Variants in OR8J3 observed in about 807,000 individuals in gnomAD.
OR8J3 encodes the protein olfactory receptor 8J3.
For missense variants in OR8J3, 418 were observed against 379.8 expected (o/e 1.10, Z -0.84); for synonymous variants, 170 against 142.6 (o/e 1.19, Z -1.37).
In OR8J3 at chr11:56,137,697, T is replaced by C. The variant is rs758030578; in HGVS notation, c.22A>G (p.Arg8Gly). 6.2e-7 allele frequency: 1 copy of C among 1,600,016 alleles called. No homozygotes were observed. The highest frequency in any genetic ancestry group is 1.3e-5 in the African/African-American group (1 of 74,166). The change falls in exon 2 of 2, where the codon AGG becomes GGG. Residue 8 changes from arginine (R) to glycine (G), a missense_variant. Arg to Gly is a moderately radical substitution (Grantham distance 125). Coordinates refer to ENST00000642058, the MANE Select transcript of OR8J3 (RefSeq NM_001004064.2). ...CCTGTGAGAATAAACTCAGTGACCC[T>C]GGTGAAATTTTCAGGAGCCATGTCA... MAPENFT[R>G]VTEFILTGVS...
In OR8J3 at chr11:56,137,515, G is replaced by T. The variant is rs754855174; in HGVS notation, c.204C>A (p.Ile68=). ...TGACAGTAGAGTTGCCAAGATTGAT[G>T]ATAGCTAGATGTCTCAGGAAAAAGT... ...PMYFFLRHLA[I]INLGNSTVIA... The change falls in exon 2 of 2, where the codon ATC becomes ATA. Residue 68 remains isoleucine, a synonymous_variant. Transcript: ENST00000642058. 6.2e-7 allele frequency: 1 copy of T among 1,614,216 alleles called. No homozygotes were observed. The highest frequency in any genetic ancestry group is 8.5e-7 in the Non-Finnish European group (1 of 1,180,050).
rs1411258883 is a variant in OR8J3, at chr11:56,136,405, CTACCAATCA to C, written c.*357_*365del. ...GTTTTTCAAGATGCAGGCATCCACTCTACCAATCATACCCAGAAAGAAAAAAAGGAGTCC... is the reference window on the plus strand; with the variant it reads ...GTTTTTCAAGATGCAGGCATCCACTCTACCCAGAAAGAAAAAAAGGAGTCC... On this transcript the variant is annotated 3_prime_UTR_variant, in exon 2 of 2. Coordinates refer to ENST00000642058, the MANE Select transcript of OR8J3 (RefSeq NM_001004064.2). 1 of 154,096 alleles carries C rather than the reference CTACCAATCA, an allele frequency of 6.5e-6. No individual in the cohort carries two copies. The highest frequency in any genetic ancestry group is 2.4e-5 in the African/African-American group (1 of 41,502). 9.5% of individuals were successfully genotyped at this position (154,096 alleles called of 1,614,324 possible).
At chr11:56,139,654 A>G (rs1451757284) in intron 1 of OR8J3, among the ~76,000 whole-genome samples, 1 of 152,246 alleles carries the variant, frequency 6.6e-6, no homozygotes, top group East Asian at 1.9e-4. Context: ...TAATAGGTAA[A>G]ACAAACAAGA....
chr11:56,137,884 A>G lies in OR8J3; in HGVS notation c.-166T>C. The stretch of plus-strand genomic sequence containing the variant: ...TATTAAACTCAGTATTCTCAGTCTA[A>G]TAAATCAGCTTTGCAATCACTTGGG... On this transcript the variant is annotated 5_prime_UTR_variant, in exon 2 of 2. Coordinates refer to ENST00000642058, the MANE Select transcript of OR8J3 (RefSeq NM_001004064.2). The G allele has an allele frequency of 1.6e-6, 1 of 615,682 alleles. No individual in the cohort carries two copies. 38.1% of individuals were successfully genotyped at this position (615,682 alleles called of 1,614,324 possible). A position where few individuals can be genotyped will look rare whatever the true frequency, so the allele number is the denominator to read the frequency against.
intron 1 of OR8J3, among the ~76,000 whole-genome samples, chr11:56,139,001 G>A (rs763484108): frequency 6.6e-6 from 1 of 151,792 alleles, no homozygotes; most frequent in Admixed American, 6.6e-5. Flanking sequence ...GGGTTTTTAT[G>A]ATAATTATGT....
rs1854316451 is a variant in OR8J3, at chr11:56,134,983, TATA to T, written c.*1785_*1787del. 6.6e-6 allele frequency: 1 copy of T among 152,204 alleles called. No homozygotes were observed. The highest frequency in any genetic ancestry group is 2.4e-5 in the African/African-American group (1 of 41,566). The allele number at this position is 152,204 out of a possible 1,614,324, so 9.4% of individuals were successfully genotyped here. A position where few individuals can be genotyped will look rare whatever the true frequency, so the allele number is the denominator to read the frequency against. ...TTCAACTGATAAACTTTCATTGCATTATAATATTTAGGGTTGAAAATTTAATTA... is the reference window on the plus strand; with the variant it reads ...TTCAACTGATAAACTTTCATTGCATTATATTTAGGGTTGAAAATTTAATTA... On this transcript the variant is annotated 3_prime_UTR_variant, in exon 2 of 2. Coordinates refer to ENST00000642058, the MANE Select transcript of OR8J3 (RefSeq NM_001004064.2).
chr11:56,138,464 G>A lies in OR8J3; in HGVS notation c.-746C>T, dbSNP rs1360619377. ...GGGCAGATCATGAGGTCAGGAGATG[G>A]AGACCACCCTGGCTAACACAGTGAA... On this transcript the variant is annotated 5_prime_UTR_variant, in exon 2 of 2. Transcript: ENST00000642058. 2.6e-5 allele frequency: 4 copies of A among 152,028 alleles called. No homozygotes were observed. Among genetic ancestry groups the A allele is most frequent in the African/African-American group, 9.7e-5 (4 of 41,366 alleles). 9.4% of individuals were successfully genotyped at this position (152,028 alleles called of 1,614,324 possible). A position where few individuals can be genotyped will look rare whatever the true frequency, so the allele number is the denominator to read the frequency against.
In OR8J3 at chr11:56,135,949, A is replaced by G. The variant is rs555496737; in HGVS notation, c.*822T>C. 1.3e-5 allele frequency: 2 copies of G among 152,164 alleles called. No homozygotes were observed. The highest frequency in any genetic ancestry group is 4.1e-4 in the South Asian group (2 of 4,830). 9.4% of individuals were successfully genotyped at this position (152,164 alleles called of 1,614,324 possible). The stretch of plus-strand genomic sequence containing the variant: ...AGTGTACACTTACTGATCAAAAACT[A>G]TCAGAAAAAAAGAACAAAAATTCAA... On this transcript the variant is annotated 3_prime_UTR_variant, in exon 2 of 2. Coordinates refer to ENST00000642058, the MANE Select transcript of OR8J3 (RefSeq NM_001004064.2).
In OR8J3 at chr11:56,136,878, C is replaced by A; in HGVS notation, c.841G>T (p.Val281Leu). The change falls in exon 2 of 2, where the codon GTG (valine) becomes TTG (leucine). Residue 281 changes from valine to leucine, a missense_variant. By Grantham distance (32) the Val-to-Leu change is conservative. Coordinates refer to ENST00000642058, the MANE Select transcript of OR8J3 (RefSeq NM_001004064.2). The part of the protein sequence containing the change: ...DKMASVFYTL[V>L]IPMLNPLIYS... ...ATCAAGGGATTCAGCATAGGAATCACCAATGTGTAAAACACAGAAGCCATC... is the reference window on the plus strand; with the variant it reads ...ATCAAGGGATTCAGCATAGGAATCAACAATGTGTAAAACACAGAAGCCATC... 6 of 1,613,998 alleles carry A rather than the reference C, an allele frequency of 3.7e-6. No homozygotes were observed. The highest frequency in any genetic ancestry group is 5.1e-6 in the Non-Finnish European group (6 of 1,179,932).
chr11:56,137,370 C>A lies in OR8J3; in HGVS notation c.349G>T (p.Val117Leu). ...GCCACATAGCGGTCATAGGCCATCA[C>A]AGCCAGCATCATTACCTCCGATACA... is the stretch of plus-strand genomic sequence containing the variant. ...FIVSEVMMLA[V>L]MAYDRYVAIC... is the part of the protein sequence containing the mutation. The change falls in exon 2 of 2, where the codon GTG (valine) becomes TTG (leucine). Residue 117 changes from valine (V) to leucine (L), a missense_variant. By Grantham distance (32) the Val-to-Leu change is conservative. Coordinates refer to ENST00000642058, the MANE Select transcript of OR8J3 (RefSeq NM_001004064.2). The A allele has an allele frequency of 6.2e-7, 1 of 1,614,102 alleles. No homozygotes were observed. The highest frequency in any genetic ancestry group is 8.5e-7 in the Non-Finnish European group (1 of 1,180,016).
At position 56,137,826 on chromosome 11, in the gene OR8J3, T is replaced by C; in HGVS notation, c.-108A>G. The C allele has an allele frequency of 1.2e-6, 1 of 851,350 alleles. No homozygotes were observed. Among genetic ancestry groups the C allele is most frequent in the Non-Finnish European group, 1.8e-6 (1 of 543,768 alleles). The allele number at this position is 851,350 out of a possible 1,614,324, so 52.7% of individuals were successfully genotyped here. On this transcript the variant is annotated 5_prime_UTR_variant, in exon 2 of 2. Coordinates refer to ENST00000642058, the MANE Select transcript of OR8J3 (RefSeq NM_001004064.2). The stretch of plus-strand genomic sequence containing the variant: ...AGATGGCAAGGACAATTCCTGGGTG[T>C]GATCTTCTTGTCATGTATTAATCTA...
At position 56,137,671 on chromosome 11, in the gene OR8J3, A is replaced by C. The variant is rs1172903012; in HGVS notation, c.48T>G (p.Gly16=). Residue 16 remains glycine (G), a synonymous_variant, in exon 2 of 2, where the codon GGT becomes GGG. Coordinates refer to ENST00000642058, the MANE Select transcript of OR8J3 (RefSeq NM_001004064.2). ...FTRVTEFILT[G]VSSCPELQIP... ...TCTGGAGCTCTGGACAGCTAGAGACACCTGTGAGAATAAACTCAGTGACCC... is the reference window on the plus strand; with the variant it reads ...TCTGGAGCTCTGGACAGCTAGAGACCCCTGTGAGAATAAACTCAGTGACCC... 2 of 1,611,332 alleles carry C rather than the reference A, an allele frequency of 1.2e-6. No individual in the cohort carries two copies. The highest frequency in any genetic ancestry group is 2.7e-5 in the African/African-American group (2 of 74,894).
Position 56,137,524 on chromosome 11 carries a change from A to T in OR8J3, c.195T>A (p.His65Gln). ...AGTTGCCAAGATTGATGATAGCTAG[A>T]TGTCTCAGGAAAAAGTACATGGGGT... ...LQNPMYFFLR[H>Q]LAIINLGNST... Residue 65 changes from histidine to glutamine, a missense_variant, in exon 2 of 2, where the codon CAT (histidine) becomes CAA (glutamine). Physicochemically the swap from His to Gln is conservative, Grantham distance 24 (BLOSUM62 0). Coordinates refer to ENST00000642058, the MANE Select transcript of OR8J3 (RefSeq NM_001004064.2). The T allele has an allele frequency of 6.2e-7, 1 of 1,614,232 alleles. No individual in the cohort carries two copies. Among genetic ancestry groups the T allele is most frequent in the Non-Finnish European group, 8.5e-7 (1 of 1,180,044 alleles).
In OR8J3 at chr11:56,137,984, G is replaced by T; in HGVS notation, c.-266C>A. 1 of 438,756 alleles carries T rather than the reference G, an allele frequency of 2.3e-6. No individual in the cohort carries two copies. The highest frequency in any genetic ancestry group is 4.0e-6 in the Non-Finnish European group (1 of 247,864). 27.2% of individuals were successfully genotyped at this position (438,756 alleles called of 1,614,324 possible). A position where few individuals can be genotyped will look rare whatever the true frequency, so the allele number is the denominator to read the frequency against. ...TTTCAGCATCCTGCAACACTTTGAG[G>T]GTTTACTGCCTTGCAGTGTAATTGA... On this transcript the variant is annotated 5_prime_UTR_variant, in exon 2 of 2. Coordinates refer to ENST00000642058, the MANE Select transcript of OR8J3 (RefSeq NM_001004064.2).
Position 56,137,579 on chromosome 11 carries a change from G to A in OR8J3, c.140C>T (p.Thr47Ile), listed in dbSNP as rs952015239. ...LTMAGNLGII[T>I]LTSVDSRLQN... ...AAGTCGAGAGTCAACACTGGTGAGG[G>A]TGATGATGCCCAGGTTCCCTGCCAT... Residue 47 changes from threonine to isoleucine, a missense_variant, in exon 2 of 2, where the codon ACC becomes ATC. Coordinates refer to ENST00000642058, the MANE Select transcript of OR8J3 (RefSeq NM_001004064.2). 1.2e-5 allele frequency: 19 copies of A among 1,614,080 alleles called. No homozygotes were observed. Among genetic ancestry groups the A allele is most frequent in the Admixed American group, 5.0e-5 (3 of 60,012 alleles).
At position 56,136,191 on chromosome 11, in the gene OR8J3, A is replaced by G. The variant is rs1345923967; in HGVS notation, c.*580T>C. 1 of 152,078 alleles carries G rather than the reference A, an allele frequency of 6.6e-6. No homozygotes were observed. The highest frequency in any genetic ancestry group is 1.9e-4 in the East Asian group (1 of 5,200). The allele number at this position is 152,078 out of a possible 1,614,324, so 9.4% of individuals were successfully genotyped here. A position where few individuals can be genotyped will look rare whatever the true frequency, so the allele number is the denominator to read the frequency against. ...TGAGCATTTTATTTAAAAATTGCAG[A>G]AAATATATTAGTTGGAATAAAATAT... On this transcript the variant is annotated 3_prime_UTR_variant, in exon 2 of 2. Coordinates refer to ENST00000642058, the MANE Select transcript of OR8J3 (RefSeq NM_001004064.2).
chr11:56,137,996 T>G lies in OR8J3; in HGVS notation c.-278A>C. On this transcript the variant is annotated 5_prime_UTR_variant, in exon 2 of 2. Transcript: ENST00000642058. ...GCAACACTTTGAGGGTTTACTGCCTTGCAGTGTAATTGAATTAAGAATATG... is the reference window on the plus strand; with the variant it reads ...GCAACACTTTGAGGGTTTACTGCCTGGCAGTGTAATTGAATTAAGAATATG... The G allele has an allele frequency of 2.5e-6, 1 of 396,608 alleles. No individual in the cohort carries two copies. Among genetic ancestry groups the G allele is most frequent in the Non-Finnish European group, 4.5e-6 (1 of 222,606 alleles). The allele number at this position is 396,608 out of a possible 1,614,324, so 24.6% of individuals were successfully genotyped here. A position where few individuals can be genotyped will look rare whatever the true frequency, so the allele number is the denominator to read the frequency against.
chr11:56,137,999 A>G lies in OR8J3; in HGVS notation c.-281T>C, dbSNP rs997273774. The stretch of plus-strand genomic sequence containing the variant: ...ACACTTTGAGGGTTTACTGCCTTGC[A>G]GTGTAATTGAATTAAGAATATGTTC... On this transcript the variant is annotated 5_prime_UTR_variant, in exon 2 of 2. Coordinates refer to ENST00000642058, the MANE Select transcript of OR8J3 (RefSeq NM_001004064.2). The G allele has an allele frequency of 1.1e-5, 4 of 379,388 alleles. No homozygotes were observed. The highest frequency in any genetic ancestry group is 1.9e-5 in the Non-Finnish European group (4 of 212,284). The allele number at this position is 379,388 out of a possible 1,614,324, so 23.5% of individuals were successfully genotyped here. A position where few individuals can be genotyped will look rare whatever the true frequency, so the allele number is the denominator to read the frequency against.
In OR8J3 at chr11:56,137,841, G is replaced by GTAT. The variant is rs1259320167; in HGVS notation, c.-126_-124dup. The GTAT allele has an allele frequency of 5.3e-6, 4 of 749,474 alleles. No homozygotes were observed. The highest frequency in any genetic ancestry group is 3.5e-5 in the African/African-American group (2 of 56,666). The allele number at this position is 749,474 out of a possible 1,614,324, so 46.4% of individuals were successfully genotyped here. ...TTCCTGGGTGTGATCTTCTTGTCAT[G>GTAT]TATTAATCTAATTCAGTTATTAAAC... On this transcript the variant is annotated 5_prime_UTR_variant, in exon 2 of 2. Coordinates refer to ENST00000642058, the MANE Select transcript of OR8J3 (RefSeq NM_001004064.2).
Sources: allele counts gnomAD v4.1 joint callset (sites outside exome capture counted in the v4.1 genomes callset), GRCh38; gene constraint gnomAD v4.1.1; transcripts MANE v1.5; gene names NCBI Gene and HGNC (gene_info 2026-07-23, HGNC 2026-07-21).